Variants in ALPK1 observed in about 807,000 individuals in gnomAD.
ALPK1 encodes alpha kinase 1.
A neutral mutation model predicts 120.6 loss-of-function variants in ALPK1; 110 were observed. The observed-to-expected ratio is 0.91, with a 90% CI of 0.78 to 1.07. ALPK1 has a LOEUF of 1.07. Among genes scored for constraint, ALPK1 ranks in the 50% least tolerant of loss-of-function variants. ALPK1 has a pLI of 0.00. For missense variants in ALPK1, 1,498 were observed against 1,483.9 expected (o/e 1.01, Z -0.16); for synonymous variants, 582 against 560.3 (o/e 1.04, Z -0.55).
intron 2 of ALPK1, among the ~76,000 whole-genome samples, chr4:112,353,169 T>C (rs1730441233): frequency 6.6e-6 from 1 of 152,012 alleles, no homozygotes; most frequent in Non-Finnish European, 1.5e-5. Flanking sequence ...AAAGATGGAA[T>C]TTTTCCATGT....
chr4:112,309,934 C>A (rs1488088351), intron 1 of ALPK1, among the ~76,000 whole-genome samples: 2 of 152,028 alleles, frequency 1.3e-5, no homozygotes, highest in African/African-American at 4.8e-5. Context: ...TCTTAGGACC[C>A]AGAGATTTTC....
intron 5 of ALPK1, among the ~76,000 whole-genome samples, chr4:112,417,563 T>C (rs1184068565): frequency 6.6e-6 from 1 of 152,178 alleles, no homozygotes; most frequent in African/African-American, 2.4e-5. Flanking sequence ...CATGGGTCAC[T>C]GCAGCCTCAA....
At chr4:112,314,254 G>A (rs1031177141) in intron 1 of ALPK1, among the ~76,000 whole-genome samples, 1 of 152,214 alleles carries the variant, frequency 6.6e-6, no homozygotes, top group Non-Finnish European at 1.5e-5. Flanking sequence ...GATGGAGGAA[G>A]AAGAGACAGC....
intron 5 of ALPK1, among the ~76,000 whole-genome samples, chr4:112,419,334 C>T (rs1242737571): frequency 1.3e-5 from 2 of 152,096 alleles, no homozygotes; most frequent in Non-Finnish European, 2.9e-5. Context: ...TATGTGCCAA[C>T]AATTGCATTA....
At chr4:112,357,657 G>C in intron 2 of ALPK1, 1 of 1,607,604 alleles carries the variant, frequency 6.2e-7, no homozygotes, top group Admixed American at 1.7e-5. Context: ...AGATCTGGGT[G>C]GGGATCATCC....
At position 112,431,528 on chromosome 4, in the gene ALPK1, T is replaced by C; in HGVS notation, c.1981T>C (p.Ser661Pro). The change falls in exon 11 of 16, where the codon TCT (serine) becomes CCT (proline). Residue 661 changes from serine to proline, a missense_variant. Physicochemically the swap from Ser to Pro is moderately conservative, Grantham distance 74. Transcript: ENST00000650871. ...QEPNNDNLEP[S>P]QNQPQQQMPL... Reference sequence around the variant, plus strand: ...ACCCAACAATGACAATTTGGAGCCTTCTCAAAATCAGCCACAGCAACAGAT... The same window carrying C: ...ACCCAACAATGACAATTTGGAGCCTCCTCAAAATCAGCCACAGCAACAGAT... 6.2e-7 allele frequency: 1 copy of C among 1,614,180 alleles called. No individual in the cohort carries two copies. Among genetic ancestry groups the C allele is most frequent in the Non-Finnish European group, 8.5e-7 (1 of 1,180,038 alleles).
At chr4:112,383,370 T>A (rs1013727814) in intron 4 of ALPK1, 1 of 152,080 alleles carries the variant, frequency 6.6e-6, no homozygotes, top group Non-Finnish European at 1.5e-5. Flanking sequence ...TTTACTTTAT[T>A]GCTTTACGTA....
rs1734509866 is a variant in ALPK1, at chr4:112,430,853, A to G, written c.1306A>G (p.Ser436Gly). The G allele has an allele frequency of 6.2e-7, 1 of 1,614,016 alleles. No individual in the cohort carries two copies. Among genetic ancestry groups the G allele is most frequent in the Admixed American group, 1.7e-5 (1 of 60,010 alleles). The change falls in exon 11 of 16, where the codon AGT (serine) becomes GGT (glycine). Residue 436 changes from serine (S) to glycine (G), a missense_variant. Physicochemically the swap from Ser to Gly is moderately conservative, Grantham distance 56. Transcript: ENST00000650871. ...AGATGACAGATCTTATGTTCCCGAG[A>G]GTTTCGAGTGCAGGTTGGATAAACT... ...NVDDRSYVPE[S>G]FECRLDKLIL...
At chr4:112,368,788 G>A (rs1039157351) in intron 2 of ALPK1, among the ~76,000 whole-genome samples, 2 of 152,156 alleles carry the variant, frequency 1.3e-5, no homozygotes, top group Non-Finnish European at 2.9e-5. Context: ...GGGAGAGGAT[G>A]AGGATTTATT....
rs1578579390 is a variant in ALPK1, at chr4:112,439,553, T to C, written c.3352-133T>C. ...CCTAAAAGGTAGTTATAATTATACC[T>C]ACTTTACCCATGATGAAATTGAAGC... On this transcript the variant is annotated intron_variant, in intron 13 of 15. Transcript: ENST00000650871. 1.3e-5 allele frequency: 8 copies of C among 639,246 alleles called. No homozygotes were observed. The East Asian group carries it at 2.4e-4, about 19-fold the overall frequency. 39.6% of individuals were successfully genotyped at this position (639,246 alleles called of 1,614,324 possible).
At chr4:112,358,788 G>A (rs1730771555) in intron 2 of ALPK1, 10 of 827,664 alleles carry the variant, frequency 1.2e-5, no homozygotes, top group South Asian at 1.0e-4. Flanking sequence ...GCTCTTCATG[G>A]TGGCCATGAA....
At chr4:112,425,467 G>A (rs1257881418) in intron 6 of ALPK1, 198 bp from the exon 7 acceptor site, 2 of 428,744 alleles carry the variant, frequency 4.7e-6, no homozygotes, top group East Asian at 8.6e-5. Flanking sequence ...GTAAGTAGGG[G>A]AACTGGAGAC....
At chr4:112,350,467 T>C (rs1436549786) in intron 2 of ALPK1, among the ~76,000 whole-genome samples, 1 of 152,232 alleles carries the variant, frequency 6.6e-6, no homozygotes, top group African/African-American at 2.4e-5. Flanking sequence ...GCAGCAGTTT[T>C]GACATTCTGA....
intron 2 of ALPK1, chr4:112,355,985 A>G (rs1730591765): frequency 4.9e-6 from 3 of 617,902 alleles, no homozygotes; most frequent in Non-Finnish European, 8.9e-6. Context: ...TAGGGATTCT[A>G]GAAGAGAACA....
intron 2 of ALPK1, among the ~76,000 whole-genome samples, chr4:112,337,044 G>C (rs1729649777): frequency 6.6e-6 from 1 of 151,912 alleles, no homozygotes. Flanking sequence ...TACTTCTAAA[G>C]TCTTAATCAT....
chr4:112,438,943 T>A (rs1348576310), intron 13 of ALPK1, among the ~76,000 whole-genome samples: 1 of 152,222 alleles, frequency 6.6e-6, no homozygotes, highest in Non-Finnish European at 1.5e-5. Context: ...CTCCTTTCAC[T>A]TTCAAGTAAT....
intron 2 of ALPK1, among the ~76,000 whole-genome samples, chr4:112,362,293 G>A (rs1730949699): frequency 6.6e-6 from 1 of 152,104 alleles, no homozygotes; most frequent in Admixed American, 6.5e-5. Context: ...GCCAATCAAG[G>A]AGCCACCAGA....
chr4:112,363,568 A>G (rs1044945175), intron 2 of ALPK1, among the ~76,000 whole-genome samples: 4 of 152,206 alleles, frequency 2.6e-5, no homozygotes, highest in African/African-American at 7.2e-5. Flanking sequence ...AACTACTACT[A>G]GACCTAAGAA....
Position 112,388,403 on chromosome 4 carries a change from G to A in ALPK1, c.276+5851G>A, listed in dbSNP as rs557983785. On this transcript the variant is annotated intron_variant, in intron 4 of 15. Transcript: ENST00000650871. ...TTAGGAAATGAAATATCAAGTTAAAGAAAGTTATGGAAACAATAAAATTCC... is the reference window on the plus strand; with the variant it reads ...TTAGGAAATGAAATATCAAGTTAAAAAAAGTTATGGAAACAATAAAATTCC... Among the ~76,000 whole-genome samples, 6 of 152,248 alleles carry A rather than the reference G, an allele frequency of 3.9e-5. No homozygotes were observed. In the East Asian group the frequency reaches 1.2e-3, roughly 29 times the overall value.
Sources: allele counts gnomAD v4.1 joint callset (sites outside exome capture counted in the v4.1 genomes callset), GRCh38; gene constraint gnomAD v4.1.1; transcripts MANE v1.5; gene names NCBI Gene and HGNC (gene_info 2026-07-23, HGNC 2026-07-21).